CDC14A: variants seen among roughly 807,000 people sequenced by gnomAD.
The protein encoded by CDC14A is cell division cycle 14A, also known as dual specificity protein phosphatase CDC14A.
A neutral mutation model predicts 74.4 loss-of-function variants in CDC14A; 53 were observed. That is an observed-to-expected ratio of 0.71 (90% CI 0.57 to 0.89). The LOEUF (loss-of-function observed/expected upper bound fraction) is 0.89. Ranked by LOEUF, CDC14A falls within the 40% of genes least tolerant of loss-of-function variation. CDC14A has a pLI of 0.00. For missense variants in CDC14A, 646 were observed against 713.7 expected (o/e 0.91, Z 1.08); for synonymous variants, 247 against 258.4 (o/e 0.96, Z 0.43).
chr1:100,383,271 A>G (rs1443757778), intron 3 of CDC14A, among the ~76,000 whole-genome samples: 2 of 152,164 alleles, frequency 1.3e-5, no homozygotes, highest in African/African-American at 2.4e-5. Flanking sequence ...ACACGATGAA[A>G]TCATCTTCAT....
chr1:100,348,281 C>CAAA (rs59269474), upstream of CDC14A, among the ~76,000 whole-genome samples: 5 of 87,188 alleles, frequency 5.7e-5, no homozygotes, highest in African/African-American at 1.6e-4. Flanking sequence ...GACTCCATTT[C>CAAA]AAAAAAAAAA....
At chr1:100,447,480 C>T (rs1665689516) in intron 7 of CDC14A, among the ~76,000 whole-genome samples, 1 of 152,202 alleles carries the variant, frequency 6.6e-6, no homozygotes. Flanking sequence ...GGTCCAAAAC[C>T]TTCCTCTAGG....
chr1:100,412,734 T>C (rs1660978739), intron 4 of CDC14A, among the ~76,000 whole-genome samples: 2 of 111,318 alleles, frequency 1.8e-5, no homozygotes, highest in Non-Finnish European at 3.3e-5. Context: ...TTTATATATA[T>C]ATATTTTATA....
Position 100,455,280 on chromosome 1 carries a change from A to G in CDC14A, c.520-125A>G, listed in dbSNP as rs572360247. 3.8e-5 allele frequency: 24 copies of G among 631,626 alleles called. 1 individual carries two copies. The highest frequency in any genetic ancestry group is 3.6e-4 in the East Asian group (12 of 33,106). The allele number at this position is 631,626 out of a possible 1,614,324, so 39.1% of individuals were successfully genotyped here. On this transcript the variant is annotated intron_variant, in intron 7 of 15. Transcript: ENST00000336454. Reference sequence around the variant, plus strand: ...CAGGTGCATGTTTTTATTTTAAGCTATGTTTGTCTACATGTATGTCTAATT... The same window carrying G: ...CAGGTGCATGTTTTTATTTTAAGCTGTGTTTGTCTACATGTATGTCTAATT...
chr1:100,356,120 T>TA (rs1373188113), intron 2 of CDC14A, among the ~76,000 whole-genome samples: 3 of 152,044 alleles, frequency 2.0e-5, no homozygotes, highest in Non-Finnish European at 4.4e-5. Context: ...AGGGAACATG[T>TA]AGGGGATGGA....
intron 7 of CDC14A, among the ~76,000 whole-genome samples, chr1:100,450,801 C>A (rs748414230): frequency 1.3e-5 from 2 of 152,026 alleles, no homozygotes; most frequent in Non-Finnish European, 2.9e-5. Flanking sequence ...TGTTTGGTAT[C>A]TTTTCCTTCT....
intron 4 of CDC14A, 61 bp downstream of exon 4, chr1:100,390,885 A>G (rs758333044): frequency 2.5e-6 from 3 of 1,217,180 alleles, no homozygotes; most frequent in Middle Eastern, 1.9e-4. Flanking sequence ...AACACTGTCA[A>G]AGAAAATCCA....
chr1:100,496,845 A>T (rs1259016871), intron 13 of CDC14A, among the ~76,000 whole-genome samples: 2 of 152,246 alleles, frequency 1.3e-5, no homozygotes, highest in African/African-American at 4.8e-5. Flanking sequence ...TCTAGCAGAG[A>T]GGAAAACAGA....
At position 100,365,035 on chromosome 1, in the gene CDC14A, T is replaced by C. The variant is rs12085322; in HGVS notation, c.140+11183T>C. On this transcript the variant is annotated intron_variant, in intron 2 of 15. Transcript: ENST00000336454. ...CCTCTGGTGTTGTAAACCTGAACTT[T>C]CTTAGAAATCTAGACAATGCATCAA... Among the ~76,000 whole-genome samples the C allele has an allele frequency of 2.6e-3, 401 of 152,338 alleles. 4 individuals carry two copies. Among genetic ancestry groups the C allele is most frequent in the African/African-American group, 9.3e-3 (387 of 41,584 alleles).
exon 1 of CDC14A, chr1:100,345,122 TGAA>T (rs757645154): frequency 3.3e-5 from 5 of 152,134 alleles, no homozygotes; most frequent in Non-Finnish European, 5.9e-5. Flanking sequence ...CAATCAGAAA[TGAA>T]GAAGGACATT....
At chr1:100,477,531 A>C (rs949514432) in intron 10 of CDC14A, among the ~76,000 whole-genome samples, 1 of 152,064 alleles carries the variant, frequency 6.6e-6, no homozygotes, top group African/African-American at 2.4e-5. Context: ...ATTATCATCC[A>C]TCTCAGAGAG....
chr1:100,496,613 G>A (rs2040656075), intron 13 of CDC14A, among the ~76,000 whole-genome samples: 1 of 152,206 alleles, frequency 6.6e-6, no homozygotes, highest in African/African-American at 2.4e-5. Context: ...TGAAATAGGG[G>A]AAAGAAGCTC....
chr1:100,453,934 G>A (rs1469059160), intron 7 of CDC14A, among the ~76,000 whole-genome samples: 7 of 152,112 alleles, frequency 4.6e-5, no homozygotes, highest in East Asian at 3.9e-4. Context: ...GAGCCGCCAC[G>A]CCCAGCTGGA....
chr1:100,443,850 G>A (rs1251668641), intron 7 of CDC14A, among the ~76,000 whole-genome samples: 1 of 152,110 alleles, frequency 6.6e-6, no homozygotes, highest in African/African-American at 2.4e-5. Flanking sequence ...GAGTCTAGAA[G>A]TCATTAACTT....
intron 5 of CDC14A, among the ~76,000 whole-genome samples, chr1:100,434,658 C>G (rs1374363467): frequency 1.3e-4 from 20 of 152,124 alleles, no homozygotes; most frequent in Non-Finnish European, 1.0e-4. Flanking sequence ...GGTGAGACTT[C>G]TGGCCTGTAG....
intron 3 of CDC14A, among the ~76,000 whole-genome samples, chr1:100,385,169 G>A (rs1284495113): frequency 6.6e-6 from 1 of 152,208 alleles, no homozygotes; most frequent in African/African-American, 2.4e-5. Context: ...TGACCAGATG[G>A]ACAGTGTTTT....
intron 10 of CDC14A, among the ~76,000 whole-genome samples, chr1:100,477,267 A>G (rs182505250): frequency 4.6e-5 from 7 of 152,214 alleles, no homozygotes; most frequent in African/African-American, 1.4e-4. Context: ...TCTGCTTTGT[A>G]TAGATAGCAA....
At chr1:100,374,463 A>T (rs1654949329) in intron 2 of CDC14A, among the ~76,000 whole-genome samples, 1 of 152,160 alleles carries the variant, frequency 6.6e-6, no homozygotes, top group Non-Finnish European at 1.5e-5. Context: ...CCTCTCCAGC[A>T]CCTGTTGTTT....
chr1:100,463,020 C>A, intron 9 of CDC14A, 139 bp downstream of exon 9: 1 of 642,656 alleles, frequency 1.6e-6, no homozygotes, highest in Non-Finnish European at 2.7e-6. Context: ...GGGACACAAA[C>A]TCATTTTAAT....
Sources: gnomAD v4.1 joint callset for allele counts (sites outside exome capture counted in the v4.1 genomes callset) on GRCh38, gnomAD v4.1.1 for gene constraint, MANE v1.5 for transcripts, NCBI Gene and HGNC (gene_info 2026-07-23, HGNC 2026-07-21) for gene names.